The following CPNE7 variants were observed in gnomAD, a reference collection of about 807,000 sequenced individuals.
The protein encoded by CPNE7 is copine 7.
A neutral mutation model predicts 66.5 loss-of-function variants in CPNE7; 78 were observed. The ratio of observed to expected loss-of-function variants is 1.17; its 90% CI spans 0.98 to 1.42. The LOEUF is 1.42. Ranked by LOEUF, CPNE7 falls within the 40% of genes most tolerant of loss-of-function variation. The probability of loss-of-function intolerance (pLI) is 0.00; values close to 1 mark genes in which losing one functional copy is unlikely to be tolerated. For missense variants in CPNE7, 1,012 were observed against 776.6 expected (o/e 1.30, Z -3.60); for synonymous variants, 468 against 336.7 (o/e 1.39, Z -4.27).
At chr16:89,595,180 G>A (rs966723443) in intron 13 of CPNE7, among the ~76,000 whole-genome samples, 187 bp from the exon 14 acceptor site, 90 of 152,192 alleles carry the variant, frequency 5.9e-4, no homozygotes, top group Non-Finnish European at 7.1e-4. Context: ...CAGAGTGCCC[G>A]CCACGGAGGG....
chr16:89,595,782 A>C (rs1221520587), intron 14 of CPNE7, 179 bp downstream of exon 14: 1 of 712,986 alleles, frequency 1.4e-6, no homozygotes, highest in South Asian at 1.5e-5. Context: ...GACTTTGAGC[A>C]CCTGAAACAC....
chr16:89,589,458 C>T (rs965844791), intron 10 of CPNE7, among the ~76,000 whole-genome samples: 8 of 152,146 alleles, frequency 5.3e-5, no homozygotes, highest in Non-Finnish European at 8.8e-5. Flanking sequence ...AGGGAGGGCC[C>T]GGCACAAAAC....
chr16:89,589,371 G>T (rs2059135570), intron 10 of CPNE7, among the ~76,000 whole-genome samples: 1 of 152,324 alleles, frequency 6.6e-6, no homozygotes, highest in South Asian at 2.1e-4. Context: ...GGTCCTGGGG[G>T]GACGTCTGTG....
At chr16:89,594,598 T>C (rs2059223473) in intron 13 of CPNE7, among the ~76,000 whole-genome samples, 1 of 151,792 alleles carries the variant, frequency 6.6e-6, no homozygotes, top group Non-Finnish European at 1.5e-5. Context: ...AGTGGGGTTT[T>C]TTTTAAACAA....
chr16:89,593,771 G>C (rs1012710176), intron 13 of CPNE7, among the ~76,000 whole-genome samples: 1 of 152,138 alleles, frequency 6.6e-6, no homozygotes, highest in African/African-American at 2.4e-5. Context: ...CTAATACATA[G>C]ACTATATTCC....
At chr16:89,579,011 C>T (rs370331400) in intron 2 of CPNE7, 1 of 1,584,742 alleles carries the variant, frequency 6.3e-7, no homozygotes, top group South Asian at 1.1e-5. Flanking sequence ...AATTTACAGG[C>T]CGGGCACGGT....
intron 14 of CPNE7, 38 bp from the exon 15 acceptor site, chr16:89,596,446 G>C (rs781710987): frequency 1.3e-5 from 21 of 1,575,288 alleles, no homozygotes; most frequent in Admixed American, 3.6e-5. Flanking sequence ...TCTCCATCTC[G>C]AAGGTCCCAG....
intron 3 of CPNE7, 80 bp downstream of exon 3, chr16:89,583,851 G>A: frequency 1.3e-6 from 2 of 1,532,694 alleles, no homozygotes; most frequent in East Asian, 2.3e-5. Context: ...AAGATGGGCA[G>A]CAGCGTGCCG....
intron 7 of CPNE7, 23 bp from the exon 8 acceptor site, chr16:89,586,647 G>C (rs895920107): frequency 6.3e-7 from 1 of 1,599,302 alleles, no homozygotes; most frequent in Non-Finnish European, 8.6e-7. Flanking sequence ...ACTCTGGGGG[G>C]CCTCTGCTTG....
rs147819908 is a variant in CPNE7, at chr16:89,586,767, G to C, written c.867+11G>C. ...CTGGCTGACCTCAAGGTGAGAGGTG[G>C]CTGTGCCCGAAGCCTCCCCACCCAC... On this transcript the variant is annotated intron_variant, in intron 8 of 14. Transcript: ENST00000319518. The C allele has an allele frequency of 0.018, 29,445 of 1,609,454 alleles. 307 individuals are homozygous for C. Among genetic ancestry groups the C allele is most frequent in the Non-Finnish European group, 0.022 (25,395 of 1,176,656 alleles).
At chr16:89,579,608 C>T (rs925882226) in intron 2 of CPNE7, among the ~76,000 whole-genome samples, 1 of 151,492 alleles carries the variant, frequency 6.6e-6, no homozygotes, top group African/African-American at 2.4e-5. Context: ...TCCCTTCACC[C>T]ATCACACGGA....
chr16:89,582,836 C>T (rs1481488803), intron 2 of CPNE7, among the ~76,000 whole-genome samples: 2 of 152,280 alleles, frequency 1.3e-5, no homozygotes, highest in East Asian at 1.9e-4. Flanking sequence ...GGGAAGCACA[C>T]ACCTGCTACC....
chr16:89,580,470 T>C (rs2058936232), intron 2 of CPNE7, among the ~76,000 whole-genome samples: 1 of 117,732 alleles, frequency 8.5e-6, no homozygotes, highest in Non-Finnish European at 1.7e-5. Context: ...ATCTCACCCA[T>C]CACACGGAAC....
intron 2 of CPNE7, among the ~76,000 whole-genome samples, chr16:89,583,028 C>T (rs964153735): frequency 2.6e-5 from 4 of 152,216 alleles, no homozygotes; most frequent in Non-Finnish European, 5.9e-5. Flanking sequence ...CATCCGCCAC[C>T]CACCCCAGGT....
chr16:89,590,346 G>A (rs752081343), intron 11 of CPNE7, among the ~76,000 whole-genome samples: 61 of 152,174 alleles, frequency 4.0e-4, no homozygotes, highest in South Asian at 1.0e-3. Flanking sequence ...CCATCATGGT[G>A]AAACCCCATC....
At chr16:89,585,614 G>C (rs1416083855) in intron 6 of CPNE7, 61 bp downstream of exon 6, 16 of 1,553,146 alleles carry the variant, frequency 1.0e-5, no homozygotes, top group Non-Finnish European at 1.3e-5. Context: ...GGCTGCGATG[G>C]AGACACCTGG....
chr16:89,579,727 G>A (rs953175942), intron 2 of CPNE7, among the ~76,000 whole-genome samples: 2 of 146,400 alleles, frequency 1.4e-5, no homozygotes, highest in Admixed American at 1.4e-4. Flanking sequence ...CCCATCACAC[G>A]GAACATCCCA....
At chr16:89,578,809 G>A (rs1403826416) in intron 2 of CPNE7, 6 of 1,554,960 alleles carry the variant, frequency 3.9e-6, no homozygotes, top group Non-Finnish European at 3.5e-6. Flanking sequence ...AGGTCCTACG[G>A]TGGCCACTGC....
rs1341981047 is a variant in CPNE7 at position 89,588,202 on chromosome 16, A to ACCCGCGTGTCACCCACAGATACACGG, written c.928-469_928-444dup. ...CCCACAGATACACGGCCCCCGTGTC[A>ACCCGCGTGTCACCCACAGATACACGG]CCCGCGTGTCACCCACAGATACACG... On this transcript the variant is annotated intron_variant, in intron 9 of 14. Coordinates refer to ENST00000319518, the MANE Select transcript of CPNE7 (RefSeq NM_153636.3). 2.0e-3 allele frequency among the ~76,000 whole-genome samples: 27 copies of ACCCGCGTGTCACCCACAGATACACGG among 13,746 alleles called. 3 individuals carry two copies. Among genetic ancestry groups the ACCCGCGTGTCACCCACAGATACACGG allele is most frequent in the Non-Finnish European group, 5.2e-3 (25 of 4,810 alleles). 9.0% of individuals were successfully genotyped at this position (13,746 alleles called of 152,430 possible).
Sources: allele counts gnomAD v4.1 joint callset (sites outside exome capture counted in the v4.1 genomes callset), GRCh38; gene constraint gnomAD v4.1.1; transcripts MANE v1.5; gene names NCBI Gene and HGNC (gene_info 2026-07-23, HGNC 2026-07-21).